Variants in DDX10 observed in about 807,000 individuals in gnomAD.
The protein encoded by DDX10 is probable ATP-dependent RNA helicase DDX10.
Under a neutral mutation model 104.3 loss-of-function variants are expected in DDX10, and 74 were observed. The ratio of observed to expected loss-of-function variants is 0.71; its 90% confidence interval spans 0.59 to 0.86. The LOEUF (loss-of-function observed/expected upper bound fraction) is 0.86. Ranked by LOEUF, DDX10 falls within the 40% of genes least tolerant of loss-of-function variation. The probability of loss-of-function intolerance (pLI) is 0.00; values close to 1 mark genes in which losing one functional copy is unlikely to be tolerated. For synonymous variants in DDX10, 351 were observed against 353.4 expected, an observed-to-expected ratio of 0.99 and a Z score of 0.08; for missense variants, 952 against 1,040.0, an observed-to-expected ratio of 0.92 and a Z score of 1.16.
intron 16 of DDX10, among the ~76,000 whole-genome samples, chr11:108,917,125 G>A (rs1863761354): frequency 6.6e-6 from 1 of 151,066 alleles, no homozygotes; most frequent in Non-Finnish European, 1.5e-5. Flanking sequence ...GCATGCAGTG[G>A]TGCAATCATG....
intron 12 of DDX10, among the ~76,000 whole-genome samples, chr11:108,720,471 C>T (rs538941273): frequency 6.6e-6 from 1 of 152,290 alleles, no homozygotes; most frequent in South Asian, 2.1e-4. Context: ...GAATATTCCT[C>T]CTGTCTTGGT....
At chr11:108,843,957 T>C (rs923344516) in intron 15 of DDX10, among the ~76,000 whole-genome samples, 3 of 152,260 alleles carry the variant, frequency 2.0e-5, no homozygotes, top group African/African-American at 7.2e-5. Flanking sequence ...TTTTCCATTT[T>C]CGCTTAGCTT....
rs1289431254 is a variant in DDX10, at chr11:108,911,553, CTTCTTTTTTTTTTTTTTTTTT to C, written c.2305-6317_2305-6297del. 2.6e-5 allele frequency among the ~76,000 whole-genome samples: 3 copies of C among 117,246 alleles called. No homozygotes were observed. The East Asian group carries it at 7.6e-4, about 30-fold the overall frequency. The allele number at this position is 117,246 out of a possible 152,430, so 76.9% of individuals were successfully genotyped here. On this transcript the variant is annotated intron_variant, in intron 16 of 17. Transcript: ENST00000322536. Reference sequence around the variant, plus strand: ...CCAGTTCCCAAAAGCTTTGCCTCCTCTTCTTTTTTTTTTTTTTTTTTTTTTTTTTTTTTTGAGACAGGACCT... The same window carrying C: ...CCAGTTCCCAAAAGCTTTGCCTCCTCTTTTTTTTTTTTTGAGACAGGACCT...
intron 17 of DDX10, among the ~76,000 whole-genome samples, chr11:108,935,166 AAGGT>A (rs1229665047): frequency 1.3e-5 from 2 of 152,202 alleles, no homozygotes; most frequent in African/African-American, 4.8e-5. Flanking sequence ...CTTCCACCTC[AAGGT>A]GGAATCCTTG....
chr11:108,681,391 C>A (rs1053962038), intron 6 of DDX10, among the ~76,000 whole-genome samples: 6 of 152,184 alleles, frequency 3.9e-5, no homozygotes, highest in Admixed American at 1.3e-4. Context: ...ATTTACAAAA[C>A]CTCAGGTTAT....
At chr11:108,861,414 A>T (rs186446374) in intron 16 of DDX10, among the ~76,000 whole-genome samples, 95 of 152,208 alleles carry the variant, frequency 6.2e-4, no homozygotes, top group African/African-American at 2.2e-3. Context: ...ACTAGAAATA[A>T]CCTGAATTGT....
In DDX10 at chr11:108,684,334, A is replaced by G. The variant is rs528898630; in HGVS notation, c.849-4602A>G. Among the ~76,000 whole-genome samples the G allele has an allele frequency of 9.4e-3, 1,306 of 139,332 alleles. 17 individuals carry two copies. Among genetic ancestry groups the G allele is most frequent in the Non-Finnish European group, 0.017 (1,104 of 64,180 alleles). 91.4% of individuals were successfully genotyped at this position (139,332 alleles called of 152,430 possible). On this transcript the variant is annotated intron_variant, in intron 6 of 17. Transcript: ENST00000322536. ...CATCTAGCATTAGGTATATCTCCCA[A>G]TGCTATCCCTCCCCCCTCCCCCGAC...
In DDX10 at chr11:108,693,598, C is replaced by T. The variant is rs768488109; in HGVS notation, c.1221C>T (p.Ala407=). ...ATATTCACAGAGCAGGTAGAACTGC[C>T]AGGTAGGTGTACTGACTAATTTCTT... ...NTYIHRAGRT[A]RYKEDGEALL... The change falls in exon 9 of 18, where the codon GCC becomes GCT. Residue 407 remains alanine (A), a splice_region_variant and synonymous_variant. Transcript: ENST00000322536. 6.2e-7 allele frequency: 1 copy of T among 1,609,930 alleles called. No individual in the cohort carries two copies. Among genetic ancestry groups the T allele is most frequent in the East Asian group, 2.2e-5 (1 of 44,852 alleles).
At chr11:108,897,458 A>C (rs183419089) in intron 16 of DDX10, among the ~76,000 whole-genome samples, 4 of 152,348 alleles carry the variant, frequency 2.6e-5, no homozygotes, top group African/African-American at 9.6e-5. Flanking sequence ...ACCCATTTTA[A>C]AAATAAATGT....
intron 13 of DDX10, among the ~76,000 whole-genome samples, chr11:108,725,845 A>G (rs1337776705): frequency 6.6e-6 from 1 of 152,030 alleles, no homozygotes; most frequent in East Asian, 1.9e-4. Flanking sequence ...TATCTGATAA[A>G]TCTGTGATTG....
chr11:108,833,391 C>T (rs1334731321), intron 13 of DDX10, among the ~76,000 whole-genome samples: 1 of 152,236 alleles, frequency 6.6e-6, no homozygotes, highest in Non-Finnish European at 1.5e-5. Flanking sequence ...CCCTCTTGCA[C>T]TGCTGCGTCC....
intron 13 of DDX10, among the ~76,000 whole-genome samples, chr11:108,776,257 G>C (rs1052823648): frequency 6.6e-6 from 1 of 152,018 alleles, no homozygotes; most frequent in Non-Finnish European, 1.5e-5. Flanking sequence ...TTCTTTCTTC[G>C]AACTGTTATT....
intron 13 of DDX10, among the ~76,000 whole-genome samples, chr11:108,835,519 C>T (rs138308813): frequency 2.3e-4 from 35 of 152,194 alleles, no homozygotes; most frequent in Non-Finnish European, 2.6e-4. Flanking sequence ...GCATTTTGAA[C>T]AAAGAATTGG....
chr11:108,730,375 G>A (rs2134483933), intron 13 of DDX10, among the ~76,000 whole-genome samples: 1 of 152,296 alleles, frequency 6.6e-6, no homozygotes. Context: ...CATCTCAGTG[G>A]TAGGGAGCTG....
chr11:108,891,805 C>T (rs910053473), intron 16 of DDX10, among the ~76,000 whole-genome samples: 1 of 152,096 alleles, frequency 6.6e-6, no homozygotes, highest in Admixed American at 6.6e-5. Flanking sequence ...TTGTGAGCAG[C>T]AGGCATGGAG....
chr11:108,689,025 A>G lies in DDX10; in HGVS notation c.938A>G (p.Lys313Arg). 1 of 1,614,122 alleles carries G rather than the reference A, an allele frequency of 6.2e-7. No homozygotes were observed. ...VLYSFLRSHL[K>R]KKSIVFFSSC... ...TATTCCTTTTTGAGAAGCCATCTGA[A>G]GAAGAAGAGCATTGTATTTTTTTCC... is the stretch of plus-strand genomic sequence containing the variant. The change falls in exon 7 of 18, where the codon AAG (lysine) becomes AGG (arginine). Residue 313 changes from lysine (K) to arginine (R), a missense_variant. Coordinates refer to ENST00000322536, the MANE Select transcript of DDX10 (RefSeq NM_004398.4).
At chr11:108,779,704 T>C (rs1024679686) in intron 13 of DDX10, among the ~76,000 whole-genome samples, 2 of 152,162 alleles carry the variant, frequency 1.3e-5, no homozygotes, top group Non-Finnish European at 2.9e-5. Context: ...AATAAAATTA[T>C]TTACATGGGC....
intron 14 of DDX10, among the ~76,000 whole-genome samples, chr11:108,838,777 TACTG>T (rs1862596551): frequency 6.6e-6 from 1 of 152,262 alleles, no homozygotes; most frequent in Admixed American, 6.5e-5. Context: ...TTCTTGGTAA[TACTG>T]ACACAGAGTT....
At chr11:108,733,491 C>T (rs2094314755) in intron 13 of DDX10, among the ~76,000 whole-genome samples, 1 of 152,150 alleles carries the variant, frequency 6.6e-6, no homozygotes, top group African/African-American at 2.4e-5. Flanking sequence ...TAAATTCTTA[C>T]CACAGCCTTG....
Sources: gnomAD v4.1 joint callset for allele counts (sites outside exome capture counted in the v4.1 genomes callset) on GRCh38, gnomAD v4.1.1 for gene constraint, MANE v1.5 for transcripts, NCBI Gene and HGNC (gene_info 2026-07-23, HGNC 2026-07-21) for gene names.